PTPA: variants seen among roughly 807,000 people sequenced by gnomAD.
PTPA encodes the protein protein phosphatase 2 phosphatase activator.
PTPA carries 13 observed loss-of-function variants against 43.6 expected under a neutral mutation model. The ratio of observed to expected loss-of-function variants is 0.30; its 90% CI spans 0.19 to 0.47. The LOEUF (loss-of-function observed/expected upper bound fraction) is 0.47. Ranked by LOEUF, PTPA falls within the 20% of genes least tolerant of loss-of-function variation. PTPA has a pLI of 0.99. For missense variants in PTPA, 329 were observed against 411.9 expected (o/e 0.80, Z 1.74); for synonymous variants, 172 against 158.2 (o/e 1.09, Z -0.66).
intron 1 of PTPA, among the ~76,000 whole-genome samples, chr9:129,120,215 G>A (rs1007611120): frequency 1.3e-5 from 2 of 151,812 alleles, no homozygotes; most frequent in Non-Finnish European, 2.9e-5. Context: ...CTGAGATCGC[G>A]CCACTGCACT....
intron 1 of PTPA, among the ~76,000 whole-genome samples, chr9:129,113,968 G>A (rs1190135134): frequency 6.6e-6 from 1 of 152,156 alleles, no homozygotes; most frequent in Non-Finnish European, 1.5e-5. Flanking sequence ...CCAGGTCCCT[G>A]GTTGTGGTCC....
At chr9:129,125,668 T>A (rs963859797) in intron 3 of PTPA, among the ~76,000 whole-genome samples, 1 of 152,130 alleles carries the variant, frequency 6.6e-6, no homozygotes. Flanking sequence ...TGTTTCCTCA[T>A]CTGTAGAGTG....
chr9:129,147,588 G>T lies in PTPA; in HGVS notation c.*124G>T. The T allele has an allele frequency of 9.2e-7, 1 of 1,087,340 alleles. No homozygotes were observed. The highest frequency in any genetic ancestry group is 1.3e-6 in the Non-Finnish European group (1 of 750,876). 67.4% of individuals were successfully genotyped at this position (1,087,340 alleles called of 1,614,324 possible). A position where few individuals can be genotyped will look rare whatever the true frequency, so the allele number is the denominator to read the frequency against. Reference sequence around the variant, plus strand: ...GTTTGATGAGAGGCTGTTTACTGGGGTGGGGTGGCGAGATGGGCTTGAGGG... The same window carrying T: ...GTTTGATGAGAGGCTGTTTACTGGGTTGGGGTGGCGAGATGGGCTTGAGGG... On this transcript the variant is annotated 3_prime_UTR_variant, in exon 10 of 10. Coordinates refer to ENST00000393370, the MANE Select transcript of PTPA (RefSeq NM_178000.3).
At chr9:129,124,577 A>G (rs1849459141) in intron 3 of PTPA, among the ~76,000 whole-genome samples, 1 of 152,034 alleles carries the variant, frequency 6.6e-6, no homozygotes, top group African/African-American at 2.4e-5. Flanking sequence ...TTGTTTGTGT[A>G]GAGAGGGCAA....
Position 129,131,614 on chromosome 9 carries a change from C to G in PTPA, c.435C>G (p.Asn145Lys). 1.2e-6 allele frequency: 2 copies of G among 1,614,190 alleles called. No individual in the cohort carries two copies. The highest frequency in any genetic ancestry group is 1.7e-6 in the Non-Finnish European group (2 of 1,180,008). Residue 145 changes from asparagine to lysine, a missense_variant, in exon 5 of 10, where the codon AAC (asparagine) becomes AAG (lysine). Physicochemically the swap from Asn to Lys is moderately conservative, Grantham distance 94. Coordinates refer to ENST00000393370, the MANE Select transcript of PTPA (RefSeq NM_178000.3). ...TTTACCTAAAGGAGTCAGTGGGGAA[C>G]TCCACGCGCATTGACTACGGCACAG... is the stretch of plus-strand genomic sequence containing the variant. ...VAVYLKESVGNSTRIDYGTGH... is the reference protein window; with the variant it reads ...VAVYLKESVGKSTRIDYGTGH...
At chr9:129,111,799 G>C (rs1446992654) in intron 1 of PTPA, 168 bp downstream of exon 1, 2 of 1,230,720 alleles carry the variant, frequency 1.6e-6, no homozygotes, top group Non-Finnish European at 2.0e-6. Context: ...GAGGTGGGTG[G>C]TGGGGCGCCG....
chr9:129,122,697 C>T (rs997077908), intron 2 of PTPA, among the ~76,000 whole-genome samples: 11 of 152,132 alleles, frequency 7.2e-5, no homozygotes, highest in African/African-American at 2.7e-4. Context: ...CTTGGGAGAC[C>T]TTGGGCGGAT....
chr9:129,111,673 T>C (rs986569137), intron 1 of PTPA, 42 bp downstream of exon 1: 2 of 1,104,580 alleles, frequency 1.8e-6, no homozygotes, highest in Non-Finnish European at 2.2e-6. Flanking sequence ...TCGGGTAGGG[T>C]GGGGGCGGTG....
intron 2 of PTPA, among the ~76,000 whole-genome samples, chr9:129,120,983 G>A (rs1849215109): frequency 6.6e-6 from 1 of 152,176 alleles, no homozygotes; most frequent in African/African-American, 2.4e-5. Flanking sequence ...TGCCTCAAGG[G>A]GAGAAGAGGC....
At chr9:129,125,916 A>G (rs1849545842) in intron 3 of PTPA, among the ~76,000 whole-genome samples, 1 of 152,140 alleles carries the variant, frequency 6.6e-6, no homozygotes. Flanking sequence ...TGGGAGGCCA[A>G]GGCGGGTGAA....
In PTPA at chr9:129,142,274, C is replaced by T. The variant is rs557678086; in HGVS notation, c.787-171C>T. 20 of 530,390 alleles carry T rather than the reference C, an allele frequency of 3.8e-5. No individual in the cohort carries two copies. The Admixed American group carries it at 3.8e-4, about 10-fold the overall frequency. The allele number at this position is 530,390 out of a possible 1,614,324, so 32.9% of individuals were successfully genotyped here. A position where few individuals can be genotyped will look rare whatever the true frequency, so the allele number is the denominator to read the frequency against. On this transcript the variant is annotated intron_variant, in intron 8 of 9. Transcript: ENST00000393370. The stretch of plus-strand genomic sequence containing the variant: ...TTGCATGTGCCTGTTTGTATGTTTG[C>T]CCCTCAGGCAGATGCTATAGCTTGG...
chr9:129,126,016 C>T (rs1407396237), intron 3 of PTPA, among the ~76,000 whole-genome samples: 1 of 151,844 alleles, frequency 6.6e-6, no homozygotes, highest in Non-Finnish European at 1.5e-5. Flanking sequence ...GGCGTGGCGG[C>T]AGGCACCTGT....
rs1851390731 is a variant in PTPA at position 129,147,629 on chromosome 9, G to C, written c.*165G>C. On this transcript the variant is annotated 3_prime_UTR_variant, in exon 10 of 10. Transcript: ENST00000393370. ...GGCTTGAGGGGGCTCAGAGCATAAG[G>C]CTTCAGGGCCCAAGTTGGGAGAAGT... 1.4e-5 allele frequency: 10 copies of C among 722,894 alleles called. No individual in the cohort carries two copies. The South Asian group carries it at 1.8e-4, about 13-fold the overall frequency. The allele number at this position is 722,894 out of a possible 1,614,324, so 44.8% of individuals were successfully genotyped here.
chr9:129,111,836 G>T (rs893626115), intron 1 of PTPA: 2 of 1,212,576 alleles, frequency 1.6e-6, no homozygotes, highest in African/African-American at 1.6e-5. Flanking sequence ...GGGCTGCAAA[G>T]GGGTGGTGAT....
rs965353380 is a variant in PTPA at position 129,111,596 on chromosome 9, G to C, written c.-5G>C. 29 of 1,286,272 alleles carry C rather than the reference G, an allele frequency of 2.3e-5. No individual in the cohort carries two copies. Among genetic ancestry groups the C allele is most frequent in the Non-Finnish European group, 2.8e-5 (28 of 1,008,726 alleles). 79.7% of individuals were successfully genotyped at this position (1,286,272 alleles called of 1,614,324 possible). On this transcript the variant is annotated 5_prime_UTR_variant, in exon 1 of 10. Coordinates refer to ENST00000393370, the MANE Select transcript of PTPA (RefSeq NM_178000.3). ...GCATCCGGGTCGGCTCCTGGCCGGA[G>C]CAAGATGGCTGAGGGCGAGCGGCAG...
At chr9:129,122,532 A>G (rs1849312646) in intron 2 of PTPA, among the ~76,000 whole-genome samples, 1 of 152,200 alleles carries the variant, frequency 6.6e-6, no homozygotes, top group Non-Finnish European at 1.5e-5. Flanking sequence ...CCAACTAGAC[A>G]GCCTGGCCCG....
In PTPA at chr9:129,111,859, C is replaced by T. The variant is rs989034951; in HGVS notation, c.31+228C>T. ...AAGGGGTGGTGATTGGGGCGCAACTCTGGGTTTTGTGGGAGTCCAGGCTGC... is the reference window on the plus strand; with the variant it reads ...AAGGGGTGGTGATTGGGGCGCAACTTTGGGTTTTGTGGGAGTCCAGGCTGC... On this transcript the variant is annotated intron_variant, in intron 1 of 9. Coordinates refer to ENST00000393370, the MANE Select transcript of PTPA (RefSeq NM_178000.3). The T allele has an allele frequency of 5.2e-6, 6 of 1,164,092 alleles. No individual in the cohort carries two copies. The African/African-American group carries it at 7.9e-5, about 15-fold the overall frequency. The allele number at this position is 1,164,092 out of a possible 1,614,324, so 72.1% of individuals were successfully genotyped here.
At position 129,138,203 on chromosome 9, in the gene PTPA, G is replaced by A. The variant is rs943547866; in HGVS notation, c.786+511G>A. On this transcript the variant is annotated intron_variant, in intron 8 of 9. Transcript: ENST00000393370. Reference sequence around the variant, plus strand: ...GAGCAAAGTGCTGGAGTGGGAGTGCGCAGGCCTGGCCTGTGGTGGCAGTCA... The same window carrying A: ...GAGCAAAGTGCTGGAGTGGGAGTGCACAGGCCTGGCCTGTGGTGGCAGTCA... The A allele has an allele frequency of 6.5e-5, 13 of 200,496 alleles. 1 individual carries two copies. The highest frequency in any genetic ancestry group is 2.7e-4 in the South Asian group (3 of 11,130). 12.4% of individuals were successfully genotyped at this position (200,496 alleles called of 1,614,324 possible).
At chr9:129,118,269 G>C (rs1022578442) in intron 1 of PTPA, among the ~76,000 whole-genome samples, 5 of 151,530 alleles carry the variant, frequency 3.3e-5, no homozygotes, top group Middle Eastern at 3.5e-3. Flanking sequence ...GGCCAGGCTG[G>C]TTTCGAACTC....
Sources: gnomAD v4.1 joint callset for allele counts (sites outside exome capture counted in the v4.1 genomes callset) on GRCh38, gnomAD v4.1.1 for gene constraint, MANE v1.5 for transcripts, NCBI Gene and HGNC (gene_info 2026-07-23, HGNC 2026-07-21) for gene names.